Variants in ADH1C observed in about 807,000 individuals in gnomAD.
The protein encoded by ADH1C is alcohol dehydrogenase 1C.
Under a neutral mutation model 35.0 loss-of-function variants are expected in ADH1C, and 26 were observed. The ratio of observed to expected loss-of-function variants is 0.74; its 90% CI spans 0.54 to 1.03. ADH1C has a LOEUF of 1.03. Ranked by LOEUF, ADH1C falls within the 50% of genes least tolerant of loss-of-function variation. ADH1C has a pLI of 0.00. For missense variants in ADH1C, 413 were observed against 465.4 expected, an observed-to-expected ratio of 0.89 and a Z score of 1.04; for synonymous variants, 170 against 169.3, an observed-to-expected ratio of 1.00 and a Z score of -0.03.
At chr4:99,352,595 G>A (rs768909148) in intron 1 of ADH1C, 63 bp downstream of exon 1, 33 of 1,382,432 alleles carry the variant, frequency 2.4e-5, no homozygotes, top group Non-Finnish European at 3.3e-5. Flanking sequence ...TATTAATACT[G>A]TATTCCTTTA....
chr4:99,346,893 C>T, intron 3 of ADH1C, 113 bp downstream of exon 3: 1 of 1,509,300 alleles, frequency 6.6e-7, no homozygotes, highest in South Asian at 1.4e-5. Context: ...GTCCCAGCTT[C>T]CCTGTGACCT....
intron 5 of ADH1C, among the ~76,000 whole-genome samples, chr4:99,343,463 G>C (rs1631460): frequency 0.31 from 47,527 of 152,076 alleles, 8,873 homozygotes; most frequent in Non-Finnish European, 0.41. Context: ...GAAATCCCTT[G>C]ATAGCCAGCT....
At chr4:99,339,749 C>A in intron 7 of ADH1C, 34 bp from the exon 8 acceptor site, 1 of 1,582,858 alleles carries the variant, frequency 6.3e-7, no homozygotes, top group Admixed American at 1.9e-5. Flanking sequence ...ATAGATTCAA[C>A]CAGGGTAAGT....
At chr4:99,344,468 G>C (rs1662055) in intron 5 of ADH1C, among the ~76,000 whole-genome samples, 30,696 of 151,960 alleles carry the variant, frequency 0.2, 4,011 homozygotes, top group Non-Finnish European at 0.29. Context: ...AGACTAGATG[G>C]TCCTCAAGGG....
rs893196755 is a variant in ADH1C, at chr4:99,340,452, T to C, written c.964+123A>G. 4.2e-6 allele frequency: 5 copies of C among 1,191,918 alleles called. No individual in the cohort carries two copies. The Admixed American group carries it at 6.7e-5, about 16-fold the overall frequency. The allele number at this position is 1,191,918 out of a possible 1,614,324, so 73.8% of individuals were successfully genotyped here. Reference sequence around the variant, plus strand: ...AGAAAAGTTCTGCATTATTGGAGACTATAGAAAAGAAATTTTAATTTATTT... The same window carrying C: ...AGAAAAGTTCTGCATTATTGGAGACCATAGAAAAGAAATTTTAATTTATTT... On this transcript the variant is annotated intron_variant, in intron 7 of 8. Transcript: ENST00000515683.
intron 1 of ADH1C, 99 bp from the exon 2 acceptor site, chr4:99,347,945 T>C: frequency 7.4e-7 from 1 of 1,348,292 alleles, no homozygotes; most frequent in Non-Finnish European, 1.1e-6. Context: ...GAGTCCCATG[T>C]CTGGCACCTA....
At chr4:99,349,522 A>C (rs1734625009) in intron 1 of ADH1C, among the ~76,000 whole-genome samples, 1 of 152,172 alleles carries the variant, frequency 6.6e-6, no homozygotes, top group African/African-American at 2.4e-5. Flanking sequence ...TCCAAAATAC[A>C]CTGCTTTCTT....
At position 99,339,614 on chromosome 4, in the gene ADH1C, T is replaced by C. The variant is rs1339340687; in HGVS notation, c.1066A>G (p.Ile356Val). Reference protein sequence around the residue: ...LITNILPFEKINEGFDLLRSG... With the variant: ...LITNILPFEKVNEGFDLLRSG... Reference sequence around the variant, plus strand: ...CGAAGCAGGTCAAATCCTTCATTTATTTTTTCAAAAGGTAAAATATTTGTT... The same window carrying C: ...CGAAGCAGGTCAAATCCTTCATTTACTTTTTCAAAAGGTAAAATATTTGTT... Residue 356 changes from isoleucine (I) to valine (V), a missense_variant, in exon 8 of 9, where the codon ATA becomes GTA. Ile to Val is a conservative substitution (Grantham distance 29, BLOSUM62 3). Transcript: ENST00000515683. The C allele has an allele frequency of 5.6e-6, 9 of 1,608,990 alleles. No homozygotes were observed. The highest frequency in any genetic ancestry group is 6.8e-6 in the Non-Finnish European group (8 of 1,178,510).
chr4:99,343,282 T>TA (rs1194608625), intron 5 of ADH1C, among the ~76,000 whole-genome samples: 1 of 152,172 alleles, frequency 6.6e-6, no homozygotes, highest in East Asian at 1.9e-4. Flanking sequence ...TGGGGAGCTT[T>TA]AAAAACATCC....
intron 7 of ADH1C, 101 bp downstream of exon 7, chr4:99,340,474 A>C: frequency 1.5e-6 from 2 of 1,375,614 alleles, no homozygotes; most frequent in Non-Finnish European, 1.0e-6. Flanking sequence ...ATTTTAATTT[A>C]TTTTTAATTT....
chr4:99,340,959 G>C (rs1034783127), intron 6 of ADH1C, among the ~76,000 whole-genome samples: 4 of 152,126 alleles, frequency 2.6e-5, no homozygotes, highest in Non-Finnish European at 4.4e-5. Context: ...TCCTAATAAA[G>C]GAATAAAGAG....
At chr4:99,344,147 G>A (rs563842916) in intron 5 of ADH1C, among the ~76,000 whole-genome samples, 1 of 152,162 alleles carries the variant, frequency 6.6e-6, no homozygotes, top group South Asian at 2.1e-4. Context: ...TCAGATTTTG[G>A]GCAAATATCT....
In ADH1C at chr4:99,342,885, G is replaced by A; in HGVS notation, c.738C>T (p.Asp246=). Residue 246 remains aspartate (D), a synonymous_variant, in exon 6 of 9, where the codon GAC becomes GAT. Coordinates refer to ENST00000515683, the MANE Select transcript of ADH1C (RefSeq NM_000669.5). ...GCACTTCCTGAATGGGTTTCTTGTA[G>A]TCTTGAGGGTTGATGCATTCAGTGG... ...LGATECINPQ[D]YKKPIQEVLK... is the part of the protein sequence containing the mutation. 1.9e-6 allele frequency: 3 copies of A among 1,613,994 alleles called. No individual in the cohort carries two copies. The highest frequency in any genetic ancestry group is 1.7e-4 in the Middle Eastern group (1 of 6,058).
chr4:99,352,721 T>C lies in ADH1C; in HGVS notation c.-46A>G, dbSNP rs765498288. 11 of 1,606,302 alleles carry C rather than the reference T, an allele frequency of 6.8e-6. No individual in the cohort carries two copies. Among genetic ancestry groups the C allele is most frequent in the South Asian group, 3.3e-5 (3 of 90,776 alleles). On this transcript the variant is annotated 5_prime_UTR_variant, in exon 1 of 9. Coordinates refer to ENST00000515683, the MANE Select transcript of ADH1C (RefSeq NM_000669.5). ...AGACCAGGAGGCTGGTGAGTACTTG[T>C]GGATTTCTTCTCTGCTTGAGTGCAT...
rs1007912351 is a variant in ADH1C at position 99,336,539 on chromosome 4, T to A, written c.*213A>T. 6.4e-6 allele frequency: 4 copies of A among 622,922 alleles called. No homozygotes were observed. The African/African-American group carries it at 7.4e-5, about 12-fold the overall frequency. 38.6% of individuals were successfully genotyped at this position (622,922 alleles called of 1,614,324 possible). A position where few individuals can be genotyped will look rare whatever the true frequency, so the allele number is the denominator to read the frequency against. On this transcript the variant is annotated 3_prime_UTR_variant, in exon 9 of 9. Transcript: ENST00000515683. ...TTATTGGCTTCAATTCCCCAGTTGA[T>A]GTTCAACACTTTATTTAGTTCTCAT...
intron 8 of ADH1C, among the ~76,000 whole-genome samples, chr4:99,338,394 T>TA (rs1734328544): frequency 4.4e-5 from 1 of 22,792 alleles, no homozygotes; most frequent in African/African-American, 2.7e-4. Context: ...AATACTGTTT[T>TA]CTATATATAT....
chr4:99,344,191 A>G (rs1789913), intron 5 of ADH1C, among the ~76,000 whole-genome samples: 47,512 of 152,154 alleles, frequency 0.31, 8,862 homozygotes, highest in Non-Finnish European at 0.41. Flanking sequence ...ATAAAATAAA[A>G]CATACTACTA....
intron 8 of ADH1C, among the ~76,000 whole-genome samples, chr4:99,339,183 C>A (rs540798448): frequency 1.3e-5 from 2 of 152,136 alleles, no homozygotes; most frequent in South Asian, 2.1e-4. Context: ...TTTTAATATA[C>A]AATCATTAGA....
At chr4:99,347,548 C>T (rs1378475269) in intron 2 of ADH1C, among the ~76,000 whole-genome samples, 197 bp downstream of exon 2, 3 of 152,148 alleles carry the variant, frequency 2.0e-5, no homozygotes, top group African/African-American at 4.8e-5. Flanking sequence ...TTGTATTTCA[C>T]TGGAGTTATC....
Sources: allele counts gnomAD v4.1 joint callset (sites outside exome capture counted in the v4.1 genomes callset), GRCh38; gene constraint gnomAD v4.1.1; transcripts MANE v1.5; gene names NCBI Gene and HGNC (gene_info 2026-07-23, HGNC 2026-07-21).